The following AEBP1 variants were observed in gnomAD, a reference collection of about 807,000 sequenced individuals.
AEBP1 encodes AE binding protein 1, also known as adipocyte enhancer-binding protein 1.
A neutral mutation model predicts 116.5 loss-of-function variants in AEBP1; 69 were observed. The ratio of observed to expected loss-of-function variants is 0.59; its 90% CI spans 0.49 to 0.72. The LOEUF is 0.72. Ranked by LOEUF, AEBP1 falls within the 30% of genes least tolerant of loss-of-function variation. AEBP1 has a pLI of 0.00. For synonymous variants in AEBP1, 627 were observed against 627.3 expected, an observed-to-expected ratio of 1.00 and a Z score of 0.01; for missense variants, 1,444 against 1,557.5, an observed-to-expected ratio of 0.93 and a Z score of 1.23.
chr7:44,106,224 T>G (rs2096222708), intron 1 of AEBP1: 2 of 527,020 alleles, frequency 3.8e-6, no homozygotes, highest in East Asian at 4.8e-5. Context: ...CAGAACAGAA[T>G]AGTGGAGGAG....
Position 44,111,047 on chromosome 7 carries a change from C to A in AEBP1, c.1620C>A (p.Cys540Ter). The change falls in exon 13 of 21, where the codon TGC becomes TGA. Residue 540 changes from cysteine to a stop codon, truncating the protein, a stop_gained. Coordinates refer to ENST00000223357, the MANE Select transcript of AEBP1 (RefSeq NM_001129.5). LOFTEE classifies it high-confidence loss of function. The surrounding 1 kb of genome is among the most constrained non-coding windows in gnomAD (Gnocchi z 4.7). Reference protein sequence around the residue: ...SLCMRLEVLGCSVAPVYSYYA... With the variant: ...SLCMRLEVLG ...GCATGCGCCTGGAGGTGCTGGGGTG[C>A]TCTGTGGCCCGTGAGTGTGGAGGGC... is the stretch of plus-strand genomic sequence containing the variant. The A allele has an allele frequency of 6.2e-7, 1 of 1,609,654 alleles. No individual in the cohort carries two copies. Among genetic ancestry groups the A allele is most frequent in the Non-Finnish European group, 8.5e-7 (1 of 1,177,202 alleles).
chr7:44,110,487 G>A (rs1253537826), intron 11 of AEBP1, 141 bp downstream of exon 11: 2 of 1,304,006 alleles, frequency 1.5e-6, no homozygotes, highest in Non-Finnish European at 1.1e-6. Flanking sequence ...GACTCACCCT[G>A]CCCATCCCCA....
At position 44,107,865 on chromosome 7, in the gene AEBP1, C is replaced by A. The variant is rs866170571; in HGVS notation, c.796C>A (p.Pro266Thr). Residue 266 changes from proline to threonine, a missense_variant, in exon 5 of 21, where the codon CCC becomes ACC. Coordinates refer to ENST00000223357, the MANE Select transcript of AEBP1 (RefSeq NM_001129.5). The surrounding 1 kb of genome is among the most constrained non-coding windows in gnomAD (Gnocchi z 4.3). Reference protein sequence around the residue: ...PRPPPSRRRRPERVWPEPPEE... With the variant: ...PRPPPSRRRRTERVWPEPPEE... ...GCCACCCCCAAGCAGAAGGAGGAGG[C>A]CCGAGCGGGTCTGGCCAGAGCCCCC... 1 of 1,608,172 alleles carries A rather than the reference C, an allele frequency of 6.2e-7. No homozygotes were observed. The highest frequency in any genetic ancestry group is 8.5e-7 in the Non-Finnish European group (1 of 1,178,104).
At position 44,110,016 on chromosome 7, in the gene AEBP1, G is replaced by A. The variant is rs1301662084; in HGVS notation, c.1152G>A (p.Lys384=). The part of the protein sequence containing the change: ...EEEWTPTEKV[K]CPPIGMESHR... The stretch of plus-strand genomic sequence containing the variant: ...CCATTCTGGGGTACGCGTCCTCAGA[G>A]TGTCCCCCCATTGGGATGGAGTCAC... The change falls in exon 10 of 21, where the codon AAG becomes AAA. Residue 384 remains lysine (K), a splice_region_variant and synonymous_variant. Coordinates refer to ENST00000223357, the MANE Select transcript of AEBP1 (RefSeq NM_001129.5). 1.9e-6 allele frequency: 3 copies of A among 1,612,474 alleles called. No individual in the cohort carries two copies. Among genetic ancestry groups the A allele is most frequent in the Non-Finnish European group, 1.7e-6 (2 of 1,179,746 alleles).
intron 8 of AEBP1, 42 bp downstream of exon 8, chr7:44,109,226 C>G (rs2096226241): frequency 1.2e-6 from 2 of 1,612,360 alleles, no homozygotes; most frequent in Admixed American, 1.7e-5. Flanking sequence ...TGTGGGGCAG[C>G]ATCTGGACTC....
At position 44,111,097 on chromosome 7, in the gene AEBP1, G is replaced by A; in HGVS notation, c.1630+40G>A. On this transcript the variant is annotated intron_variant, in intron 13 of 20. Coordinates refer to ENST00000223357, the MANE Select transcript of AEBP1 (RefSeq NM_001129.5). This position sits in a 1 kb window ranked among gnomAD's most constrained non-coding sequence, Gnocchi z 4.7. ...CTGGCAGGGGCTCTGAGTGGAGGTGGGGTGCTAGGGTGGGCCAGCCGGCAC... is the reference window on the plus strand; with the variant it reads ...CTGGCAGGGGCTCTGAGTGGAGGTGAGGTGCTAGGGTGGGCCAGCCGGCAC... 1 of 1,589,196 alleles carries A rather than the reference G, an allele frequency of 6.3e-7. No individual in the cohort carries two copies. Among genetic ancestry groups the A allele is most frequent in the South Asian group, 1.1e-5 (1 of 87,672 alleles).
Position 44,110,127 on chromosome 7 carries a change from G to A in AEBP1, c.1260+3G>A. On this transcript the variant is annotated splice_donor_region_variant and intron_variant, in intron 10 of 20. Transcript: ENST00000223357. ...AGCGCGGCCGGCTCAACATGCAGGT[G>A]GGCATTGGGATGGGCCCATCTCCCA... 6.2e-7 allele frequency: 1 copy of A among 1,613,092 alleles called. No individual in the cohort carries two copies.
intron 9 of AEBP1, chr7:44,109,700 G>A: frequency 1.8e-6 from 1 of 564,688 alleles, no homozygotes. Flanking sequence ...ATCTGTGGCT[G>A]CGCCCTGGGG....
At position 44,111,648 on chromosome 7, in the gene AEBP1, C is replaced by T. The variant is rs780676159; in HGVS notation, c.1840+18C>T. ...TGAACTGGGTGAGGGTCTGTGGGGG[C>T]CAGCAGCTGGCCTCTGCTGCTGATG... On this transcript the variant is annotated intron_variant, in intron 15 of 20. Coordinates refer to ENST00000223357, the MANE Select transcript of AEBP1 (RefSeq NM_001129.5). This position sits in a 1 kb window ranked among gnomAD's most constrained non-coding sequence, Gnocchi z 4.7. 3.1e-6 allele frequency: 5 copies of T among 1,609,856 alleles called. No individual in the cohort carries two copies. The South Asian group carries it at 5.5e-5, about 18-fold the overall frequency.
rs992292143 is a variant in AEBP1 at position 44,109,317 on chromosome 7, G to C, written c.1126G>C (p.Glu376Gln). 6.2e-7 allele frequency: 1 copy of C among 1,603,084 alleles called. No homozygotes were observed. The change falls in exon 9 of 21, where the codon GAG (glutamate) becomes CAG (glutamine). Residue 376 changes from glutamate (E) to glutamine (Q), a missense_variant. Physicochemically the swap from Glu to Gln is conservative, Grantham distance 29. Transcript: ENST00000223357. The part of the protein sequence containing the change: ...EPRKGEELEE[E>Q]WTPTEKVKCP... Reference sequence around the variant, plus strand: ...CCGAAAGGGCGAGGAGTTGGAGGAGGAGTGGACGCCTACGGAGAAAGTCAG... The same window carrying C: ...CCGAAAGGGCGAGGAGTTGGAGGAGCAGTGGACGCCTACGGAGAAAGTCAG...
chr7:44,110,480 T>A, intron 11 of AEBP1, 134 bp downstream of exon 11: 1 of 1,348,554 alleles, frequency 7.4e-7, no homozygotes, highest in Non-Finnish European at 1.0e-6. Flanking sequence ...AGTGAGGGAC[T>A]CACCCTGCCC....
In AEBP1 at chr7:44,111,766, C is replaced by A. The variant is rs2128809020; in HGVS notation, c.1841-88C>A. The A allele has an allele frequency of 6.5e-7, 1 of 1,532,422 alleles. No homozygotes were observed. The highest frequency in any genetic ancestry group is 1.2e-5 in the South Asian group (1 of 81,810). The allele number at this position is 1,532,422 out of a possible 1,614,324, so 94.9% of individuals were successfully genotyped here. ...CTAGGAGCCCCAGCTGTCCCCCAGACCCTCGGGTATGAGGTGGGTCTGGGT... is the reference window on the plus strand; with the variant it reads ...CTAGGAGCCCCAGCTGTCCCCCAGAACCTCGGGTATGAGGTGGGTCTGGGT... On this transcript the variant is annotated intron_variant, in intron 15 of 20. Coordinates refer to ENST00000223357, the MANE Select transcript of AEBP1 (RefSeq NM_001129.5). The surrounding 1 kb of genome is among the most constrained non-coding windows in gnomAD (Gnocchi z 4.7).
Position 44,111,117 on chromosome 7 carries a change from C to A in AEBP1, c.1631-37C>A. ...AGGTGGGGTGCTAGGGTGGGCCAGC[C>A]GGCACCCAGCTAAAGACAACCCCGC... On this transcript the variant is annotated intron_variant, in intron 13 of 20. Transcript: ENST00000223357. The surrounding 1 kb of genome is among the most constrained non-coding windows in gnomAD (Gnocchi z 4.7). 6.3e-7 allele frequency: 1 copy of A among 1,576,926 alleles called. No individual in the cohort carries two copies. Among genetic ancestry groups the A allele is most frequent in the Non-Finnish European group, 8.6e-7 (1 of 1,158,322 alleles).
rs376721512 is a variant in AEBP1, at chr7:44,110,921, T to G, written c.1494T>G (p.His498Gln). ...YTNGYEEMTFHGNVDKDTPVL... is the reference protein window; with the variant it reads ...YTNGYEEMTFQGNVDKDTPVL... ...GGCCTGCCTCTCCCCAGACCTTTCATGGGAACGTGGACAAGGACACACCCG... is the reference window on the plus strand; with the variant it reads ...GGCCTGCCTCTCCCCAGACCTTTCAGGGGAACGTGGACAAGGACACACCCG... Residue 498 changes from histidine to glutamine, a missense_variant, in exon 13 of 21, where the codon CAT becomes CAG. Transcript: ENST00000223357. 5 of 1,613,908 alleles carry G rather than the reference T, an allele frequency of 3.1e-6. No individual in the cohort carries two copies. The highest frequency in any genetic ancestry group is 4.2e-6 in the Non-Finnish European group (5 of 1,179,994).
chr7:44,111,075 G>T lies in AEBP1; in HGVS notation c.1630+18G>T, dbSNP rs200785106. On this transcript the variant is annotated intron_variant, in intron 13 of 20. Transcript: ENST00000223357. The surrounding 1 kb of genome is among the most constrained non-coding windows in gnomAD (Gnocchi z 4.7). ...TGTGGCCCGTGAGTGTGGAGGGCTG[G>T]CAGGGGCTCTGAGTGGAGGTGGGGT... The T allele has an allele frequency of 4.3e-5, 69 of 1,602,710 alleles. No homozygotes were observed. The highest frequency in any genetic ancestry group is 2.0e-4 in the Admixed American group (12 of 59,404).
rs1195622659 is a variant in AEBP1, at chr7:44,112,498, C to A, written c.2218-60C>A. The A allele has an allele frequency of 3.6e-6, 5 of 1,396,658 alleles. No individual in the cohort carries two copies. The African/African-American group carries it at 8.5e-5, about 24-fold the overall frequency. 86.5% of individuals were successfully genotyped at this position (1,396,658 alleles called of 1,614,324 possible). On this transcript the variant is annotated intron_variant, in intron 17 of 20. Coordinates refer to ENST00000223357, the MANE Select transcript of AEBP1 (RefSeq NM_001129.5). This position sits in a 1 kb window ranked among gnomAD's most constrained non-coding sequence, Gnocchi z 6.6. ...TGAAGCTTCATGGAGGGTGATCGGG[C>A]TAGGTTGGGGATAGTGGCCGGAGCT...
Position 44,112,132 on chromosome 7 carries a change from C to A in AEBP1, c.2038-10C>A. 6.3e-7 allele frequency: 1 copy of A among 1,596,500 alleles called. No homozygotes were observed. Among genetic ancestry groups the A allele is most frequent in the Non-Finnish European group, 8.6e-7 (1 of 1,167,270 alleles). ...GGGTAGCCGATGCCTACCCTGCTGG[C>A]TCCCCACAGGGCTCAGAGTTTGGGA... On this transcript the variant is annotated splice_polypyrimidine_tract_variant and intron_variant, in intron 16 of 20. Coordinates refer to ENST00000223357, the MANE Select transcript of AEBP1 (RefSeq NM_001129.5). The surrounding 1 kb of genome is among the most constrained non-coding windows in gnomAD (Gnocchi z 6.6).
In AEBP1 at chr7:44,104,779, C is replaced by T. The variant is rs759336775; in HGVS notation, c.114C>T (p.Leu38=). 6 of 1,611,266 alleles carry T rather than the reference C, an allele frequency of 3.7e-6. No individual in the cohort carries two copies. Among genetic ancestry groups the T allele is most frequent in the Non-Finnish European group, 4.2e-6 (5 of 1,179,478 alleles). Reference sequence around the variant, plus strand: ...CCGACGACGAGATCGAGGAGTTCCTCGAGGGCTTCCTGTCAGAGCTAGAAC... The same window carrying T: ...CCGACGACGAGATCGAGGAGTTCCTTGAGGGCTTCCTGTCAGAGCTAGAAC... ...VLTDDEIEEF[L]EGFLSELEPE... is the part of the protein sequence containing the mutation. The change falls in exon 1 of 21, where the codon CTC becomes CTT. Residue 38 remains leucine, a synonymous_variant. Coordinates refer to ENST00000223357, the MANE Select transcript of AEBP1 (RefSeq NM_001129.5).
intron 12 of AEBP1, 46 bp from the exon 13 acceptor site, chr7:44,110,867 T>C (rs762689662): frequency 6.2e-7 from 1 of 1,612,676 alleles, no homozygotes; most frequent in Non-Finnish European, 8.5e-7. Flanking sequence ...AGGGGTGGGC[T>C]CTCAGAGGGG....
Sources: gnomAD v4.1 joint callset for allele counts on GRCh38, gnomAD v4.1.1 for gene constraint, Gnocchi (gnomAD v3.1) non-coding constraint, MANE v1.5 for transcripts, NCBI Gene and HGNC (gene_info 2026-07-23, HGNC 2026-07-21) for gene names.